The following HIP1 variants were observed in gnomAD, a reference collection of about 807,000 sequenced individuals.
HIP1 encodes huntingtin interacting protein 1.
HIP1 carries 65 observed loss-of-function variants against 147.6 expected under a neutral mutation model. The ratio of observed to expected loss-of-function variants is 0.44; its 90% CI spans 0.36 to 0.54. The LOEUF (loss-of-function observed/expected upper bound fraction) is 0.54, where lower values mean the gene tolerates loss of function less well. Among genes scored for constraint, HIP1 ranks in the 20% least tolerant of loss-of-function variants. The pLI is 0.00. For missense variants in HIP1, 1,061 were observed against 1,299.6 expected (o/e 0.82, Z 2.82); for synonymous variants, 479 against 504.0 (o/e 0.95, Z 0.67).
intron 6 of HIP1, among the ~76,000 whole-genome samples, chr7:75,581,617 A>G (rs1796051838): frequency 6.6e-6 from 1 of 152,260 alleles, no homozygotes; most frequent in East Asian, 1.9e-4. Context: ...CATCTCTACT[A>G]AAAATATAAA....
intron 1 of HIP1, among the ~76,000 whole-genome samples, chr7:75,680,596 G>A (rs1432089781): frequency 7.1e-6 from 1 of 140,918 alleles, no homozygotes; most frequent in East Asian, 2.0e-4. Flanking sequence ...CTGTTCTTAG[G>A]ATAAAATATA....
At chr7:75,646,466 C>A in intron 1 of HIP1, among the ~76,000 whole-genome samples, 1 of 152,384 alleles carries the variant, frequency 6.6e-6, no homozygotes, top group East Asian at 1.9e-4. Flanking sequence ...TCACCTGCAG[C>A]GTGCCAGGGG....
chr7:75,675,947 C>G (rs1007031561), intron 1 of HIP1, among the ~76,000 whole-genome samples: 6 of 152,150 alleles, frequency 3.9e-5, no homozygotes, highest in Admixed American at 1.3e-4. Flanking sequence ...TCTGGGTTTC[C>G]TCAGGGACTG....
At chr7:75,562,580 C>T (rs1313284265) in intron 11 of HIP1, among the ~76,000 whole-genome samples, 3 of 152,292 alleles carry the variant, frequency 2.0e-5, no homozygotes, top group Admixed American at 2.0e-4. Context: ...TCAAGTGATC[C>T]TCCCATCTCA....
At chr7:75,594,261 C>T (rs938151766) in intron 2 of HIP1, among the ~76,000 whole-genome samples, 9 of 151,942 alleles carry the variant, frequency 5.9e-5, no homozygotes, top group African/African-American at 1.2e-4. Context: ...GCCTGGGCAA[C>T]GAGCAAAACT....
At chr7:75,583,988 T>G (rs1040322841) in intron 5 of HIP1, among the ~76,000 whole-genome samples, 2 of 148,598 alleles carry the variant, frequency 1.3e-5, no homozygotes, top group Non-Finnish European at 3.0e-5. Context: ...CGAGACGGAG[T>G]CTCACTCTGT....
chr7:75,629,539 C>G lies in HIP1; in HGVS notation c.121-30292G>C, dbSNP rs59663797. Among the ~76,000 whole-genome samples the G allele has an allele frequency of 1.2e-3, 159 of 137,026 alleles. 2 individuals carry two copies. In the East Asian group the frequency reaches 0.026, roughly 22 times the overall value. The allele number at this position is 137,026 out of a possible 152,430, so 89.9% of individuals were successfully genotyped here. A position where few individuals can be genotyped will look rare whatever the true frequency, so the allele number is the denominator to read the frequency against. ...GTATTTCCTTCAATTGCGGCTCCCCCGCTTTTCTTTTTTTTTTTTTTGAGA... is the reference window on the plus strand; with the variant it reads ...GTATTTCCTTCAATTGCGGCTCCCCGGCTTTTCTTTTTTTTTTTTTTGAGA... On this transcript the variant is annotated intron_variant, in intron 1 of 30. Transcript: ENST00000336926.
Position 75,706,482 on chromosome 7 carries a change from T to TTTA in HIP1, c.120+32318_120+32319insTAA, listed in dbSNP as rs56924818. Among the ~76,000 whole-genome samples the TTTA allele has an allele frequency of 3.7e-4, 54 of 144,880 alleles. 1 individual carries two copies. Among genetic ancestry groups the TTTA allele is most frequent in the African/African-American group, 1.4e-3 (52 of 37,598 alleles). ...CATTTGTATATATCTTCTTTTTTTT[T>TTTA]ATTTTTTTTTTATTTTTTTATTTTT... On this transcript the variant is annotated intron_variant, in intron 1 of 30. Transcript: ENST00000336926.
intron 1 of HIP1, among the ~76,000 whole-genome samples, chr7:75,730,382 C>A (rs1318475720): frequency 1.1e-4 from 16 of 151,896 alleles, no homozygotes; most frequent in African/African-American, 3.9e-4. Context: ...TCTTGTTGCC[C>A]AGGCTGGAGT....
intron 1 of HIP1, among the ~76,000 whole-genome samples, chr7:75,686,216 T>C (rs117739393): frequency 0.015 from 2,226 of 152,338 alleles, 20 homozygotes; most frequent in South Asian, 0.026. Context: ...TTATGTACAA[T>C]GGCATCTTTT....
At chr7:75,585,605 T>C (rs1554499449) in intron 5 of HIP1, among the ~76,000 whole-genome samples, 1 of 151,688 alleles carries the variant, frequency 6.6e-6, no homozygotes, top group East Asian at 1.9e-4. Context: ...TCCCTCCTGC[T>C]TCTTCGCCTT....
chr7:75,605,961 C>T (rs1188046168), intron 1 of HIP1, among the ~76,000 whole-genome samples: 1 of 152,154 alleles, frequency 6.6e-6, no homozygotes, highest in Non-Finnish European at 1.5e-5. Context: ...GCAATCCTCC[C>T]ACCTCAGCTT....
chr7:75,565,626 G>A (rs1303622631), intron 9 of HIP1, among the ~76,000 whole-genome samples: 3 of 152,032 alleles, frequency 2.0e-5, no homozygotes, highest in Non-Finnish European at 4.4e-5. Context: ...ACAAGAGAGT[G>A]CACTTTTACA....
chr7:75,656,217 A>G (rs1197826206), intron 1 of HIP1, among the ~76,000 whole-genome samples: 1 of 152,126 alleles, frequency 6.6e-6, no homozygotes, highest in Admixed American at 6.6e-5. Flanking sequence ...CACACACACC[A>G]AAACACATGG....
intron 1 of HIP1, among the ~76,000 whole-genome samples, chr7:75,622,968 C>T (rs373739217): frequency 6.6e-6 from 1 of 151,746 alleles, no homozygotes; most frequent in African/African-American, 2.4e-5. Flanking sequence ...GAAGCTAAGG[C>T]GGGCAGATCA....
At chr7:75,555,925 C>T in intron 18 of HIP1, 101 bp downstream of exon 18, 1 of 1,442,114 alleles carries the variant, frequency 6.9e-7, no homozygotes, top group Admixed American at 1.9e-5. Flanking sequence ...GGCCCCAAAC[C>T]CCTTCTCAGC....
intron 30 of HIP1, 94 bp downstream of exon 30, chr7:75,539,229 G>T: frequency 1.2e-6 from 1 of 812,442 alleles, no homozygotes; most frequent in Non-Finnish European, 2.1e-6. Context: ...CGATCTGGTG[G>T]GTTCCTTGTT....
chr7:75,644,510 G>T (rs1004708424), intron 1 of HIP1, among the ~76,000 whole-genome samples: 1 of 152,108 alleles, frequency 6.6e-6, no homozygotes, highest in Non-Finnish European at 1.5e-5. Flanking sequence ...GGCCAGGCTG[G>T]TCTTGAACAC....
intron 1 of HIP1, among the ~76,000 whole-genome samples, chr7:75,629,629 G>A (rs62475462): frequency 0.049 from 7,360 of 150,550 alleles, 238 homozygotes; most frequent in Non-Finnish European, 0.077. Flanking sequence ...TGCAACCTCC[G>A]CCTCCCAGGT....
Sources: allele counts gnomAD v4.1 joint callset (sites outside exome capture counted in the v4.1 genomes callset), GRCh38; gene constraint gnomAD v4.1.1; transcripts MANE v1.5; gene names NCBI Gene and HGNC (gene_info 2026-07-23, HGNC 2026-07-21).